The following DAB1 variants were observed in gnomAD, a reference collection of about 807,000 sequenced individuals.
The protein encoded by DAB1 is DAB adaptor protein 1, also known as disabled homolog 1.
DAB1 carries 15 observed loss-of-function variants against 64.6 expected under a neutral mutation model. The observed-to-expected ratio is 0.23, with a 90% CI of 0.16 to 0.36. The LOEUF (loss-of-function observed/expected upper bound fraction) is 0.36. Ranked by LOEUF, DAB1 falls within the 10% of genes least tolerant of loss-of-function variation. The pLI, the probability that DAB1 is intolerant of heterozygous loss-of-function variation, is 1.00. For synonymous variants in DAB1, 235 were observed against 251.9 expected (o/e 0.93, Z 0.64); for missense variants, 596 against 706.7 (o/e 0.84, Z 1.78).
At chr1:57,216,660 C>T (rs1457773059) in intron 2 of DAB1, among the ~76,000 whole-genome samples, 1 of 152,148 alleles carries the variant, frequency 6.6e-6, no homozygotes, top group Non-Finnish European at 1.5e-5. Context: ...TAATAAAGTA[C>T]AAGATAATCA....
chr1:57,622,175 G>T (rs1451889074), intron 7 of DAB1, among the ~76,000 whole-genome samples: 1 of 152,172 alleles, frequency 6.6e-6, no homozygotes, highest in Non-Finnish European at 1.5e-5. Context: ...CCCTTTGGGG[G>T]TGTTAACGTT....
At chr1:57,759,933 T>C (rs12743563) in intron 6 of DAB1, among the ~76,000 whole-genome samples, 1 of 152,230 alleles carries the variant, frequency 6.6e-6, no homozygotes, top group Admixed American at 6.5e-5. Context: ...AGCAACGCAT[T>C]GGAACGTATA....
At chr1:57,931,725 G>A (rs912268151) in intron 5 of DAB1, among the ~76,000 whole-genome samples, 2 of 152,062 alleles carry the variant, frequency 1.3e-5, no homozygotes, top group African/African-American at 2.4e-5. Context: ...TTTGCAATTT[G>A]TGTCCTTTGT....
chr1:58,356,505 C>G (rs12036382), intron 3 of DAB1, among the ~76,000 whole-genome samples: 3 of 152,012 alleles, frequency 2.0e-5, no homozygotes, highest in Non-Finnish European at 2.9e-5. Flanking sequence ...TTAAGAAAGG[C>G]TATTTTAAGG....
intron 7 of DAB1, among the ~76,000 whole-genome samples, chr1:57,541,574 C>T (rs1020287615): frequency 3.9e-5 from 6 of 152,148 alleles, no homozygotes; most frequent in Non-Finnish European, 8.8e-5. Flanking sequence ...ACCCTTCTCC[C>T]CTCAACAATG....
At chr1:57,016,088 C>T (rs1293438059) in intron 11 of DAB1, among the ~76,000 whole-genome samples, 1 of 152,098 alleles carries the variant, frequency 6.6e-6, no homozygotes, top group African/African-American at 2.4e-5. Context: ...ATTGATAGTA[C>T]ATATTTAATA....
intron 5 of DAB1, among the ~76,000 whole-genome samples, chr1:57,986,882 C>T (rs1036114981): frequency 7.9e-5 from 12 of 152,268 alleles, no homozygotes; most frequent in African/African-American, 2.4e-4. Context: ...GCCCTACATT[C>T]GTTGTCTTAT....
At chr1:57,615,152 G>A (rs1179098738) in intron 7 of DAB1, among the ~76,000 whole-genome samples, 1 of 152,120 alleles carries the variant, frequency 6.6e-6, no homozygotes, top group Admixed American at 6.5e-5. Context: ...TTACAGGCAT[G>A]AGCCACTGCG....
intron 5 of DAB1, among the ~76,000 whole-genome samples, chr1:58,125,828 T>G (rs891746432): frequency 2.0e-5 from 3 of 152,096 alleles, no homozygotes; most frequent in Admixed American, 2.0e-4. Context: ...ATTTTATGGA[T>G]AGGAATACCA....
At chr1:58,106,606 G>C (rs201842877) in intron 5 of DAB1, among the ~76,000 whole-genome samples, 1 of 152,164 alleles carries the variant, frequency 6.6e-6, no homozygotes, top group Non-Finnish European at 1.5e-5. Flanking sequence ...AGCTTTCAGC[G>C]ATAGGGTTGC....
At chr1:57,837,411 T>C (rs1652855480) in intron 1 of DAB1, among the ~76,000 whole-genome samples, 2 of 152,144 alleles carry the variant, frequency 1.3e-5, no homozygotes, top group Admixed American at 1.3e-4. Context: ...CCAGGTTGTG[T>C]TTCTTTGGCC....
In DAB1 at chr1:58,339,667, A is replaced by G. The variant is rs1470686967; in HGVS notation, n.309+3685T>C. ...TTGCTCACCTTCTGGAGCCAGCTTA[A>G]TCTTTCTCTTTTTTATTCCTTATCT... On this transcript the variant is annotated intron_variant and non_coding_transcript_variant, in intron 4 of 20. Transcript: ENST00000485760. Among the ~76,000 whole-genome samples, 4 of 152,150 alleles carry G rather than the reference A, an allele frequency of 2.6e-5. No individual in the cohort carries two copies. In the East Asian group the frequency reaches 7.7e-4, roughly 29 times the overall value.
At chr1:58,465,399 A>G (rs778497918) in intron 3 of DAB1, among the ~76,000 whole-genome samples, 11 of 152,224 alleles carry the variant, frequency 7.2e-5, no homozygotes, top group Non-Finnish European at 1.6e-4. Context: ...GAAACAGGAC[A>G]TCGTCCTCAC....
At chr1:57,814,793 C>T (rs922473794) in intron 6 of DAB1, among the ~76,000 whole-genome samples, 1 of 152,130 alleles carries the variant, frequency 6.6e-6, no homozygotes, top group African/African-American at 2.4e-5. Flanking sequence ...CCACATGGCT[C>T]AGGCACCAGG....
intron 4 of DAB1, among the ~76,000 whole-genome samples, chr1:58,341,446 A>G (rs1271233526): frequency 6.6e-6 from 1 of 152,196 alleles, no homozygotes; most frequent in Non-Finnish European, 1.5e-5. Context: ...GATAGTGGGA[A>G]GCAGAGACTA....
intron 4 of DAB1, among the ~76,000 whole-genome samples, chr1:58,328,495 C>G (rs373663064): frequency 4.4e-4 from 67 of 152,328 alleles, no homozygotes; most frequent in African/African-American, 1.6e-3. Flanking sequence ...AAGGGAGCAT[C>G]CCAGGCCCTT....
At chr1:58,214,720 A>C (rs1428477184) in intron 4 of DAB1, among the ~76,000 whole-genome samples, 2 of 152,152 alleles carry the variant, frequency 1.3e-5, no homozygotes, top group African/African-American at 4.8e-5. Flanking sequence ...AGGCTTGTAG[A>C]AACAATATTT....
chr1:57,197,321 G>A (rs1313141296), intron 2 of DAB1, among the ~76,000 whole-genome samples: 1 of 146,420 alleles, frequency 6.8e-6, no homozygotes, highest in Non-Finnish European at 1.5e-5. Context: ...TCCAGTCTAG[G>A]TGACAGAGAG....
intron 9 of DAB1, among the ~76,000 whole-genome samples, chr1:57,036,024 G>A (rs989927707): frequency 3.3e-5 from 5 of 151,624 alleles, no homozygotes; most frequent in African/African-American, 1.2e-4. Context: ...TGTATTTTTA[G>A]TAGAGACGGG....
Sources: allele counts gnomAD v4.1 joint callset (sites outside exome capture counted in the v4.1 genomes callset), GRCh38; gene constraint gnomAD v4.1.1; transcripts MANE v1.5; gene names NCBI Gene and HGNC (gene_info 2026-07-23, HGNC 2026-07-21).